Variants in AGBL4 observed in about 807,000 individuals in gnomAD.
AGBL4 encodes the protein AGBL carboxypeptidase 4.
AGBL4 carries 58 observed loss-of-function variants against 66.4 expected under a neutral mutation model. The observed-to-expected ratio is 0.87, with a 90% confidence interval of 0.71 to 1.09. The LOEUF is 1.09. Among genes scored for constraint, AGBL4 ranks in the 50% least tolerant of loss-of-function variants. The pLI is 0.00. For missense variants in AGBL4, 579 were observed against 631.0 expected, an observed-to-expected ratio of 0.92 and a Z score of 0.88; for synonymous variants, 234 against 222.9, an observed-to-expected ratio of 1.05 and a Z score of -0.44.
At chr1:49,346,505 G>C (rs1190261832) in intron 3 of AGBL4, among the ~76,000 whole-genome samples, 3 of 152,130 alleles carry the variant, frequency 2.0e-5, no homozygotes, top group Non-Finnish European at 4.4e-5. Context: ...CTTCACTGTT[G>C]TGGACTATAT....
intron 11 of AGBL4, among the ~76,000 whole-genome samples, chr1:48,573,608 T>G (rs138771551): frequency 1.1e-3 from 160 of 152,244 alleles, no homozygotes; most frequent in African/African-American, 3.7e-3. Context: ...GGACAGAGAT[T>G]TCTATTGGGG....
chr1:48,718,568 T>C (rs1226128052), intron 6 of AGBL4, among the ~76,000 whole-genome samples: 2 of 152,118 alleles, frequency 1.3e-5, no homozygotes, highest in African/African-American at 4.8e-5. Flanking sequence ...CCACTAGTTT[T>C]GGAAAAGAAT....
chr1:49,710,069 A>G (rs1647526470), intron 2 of AGBL4, among the ~76,000 whole-genome samples: 1 of 152,224 alleles, frequency 6.6e-6, no homozygotes, highest in African/African-American at 2.4e-5. Context: ...ATACCATTTG[A>G]CCCAGTAATC....
intron 6 of AGBL4, among the ~76,000 whole-genome samples, chr1:48,819,103 G>A (rs1451623161): frequency 6.6e-6 from 1 of 152,184 alleles, no homozygotes; most frequent in African/African-American, 2.4e-5. Context: ...CGTACAGACA[G>A]TTTTCTCCTA....
chr1:49,223,580 G>A (rs1204959915), intron 4 of AGBL4, among the ~76,000 whole-genome samples: 1 of 152,074 alleles, frequency 6.6e-6, no homozygotes, highest in Non-Finnish European at 1.5e-5. Flanking sequence ...GAAAATGTAG[G>A]CCTCTTTTTC....
intron 3 of AGBL4, among the ~76,000 whole-genome samples, chr1:49,677,896 C>A (rs1646612244): frequency 6.6e-6 from 1 of 152,112 alleles, no homozygotes; most frequent in African/African-American, 2.4e-5. Flanking sequence ...CTTAACTATG[C>A]TGGCACCCTG....
chr1:48,601,598 T>C (rs903275171), intron 9 of AGBL4, among the ~76,000 whole-genome samples: 5 of 152,232 alleles, frequency 3.3e-5, no homozygotes, highest in Non-Finnish European at 7.3e-5. Flanking sequence ...TGAAATCTAT[T>C]GACAATAACC....
intron 3 of AGBL4, among the ~76,000 whole-genome samples, chr1:49,365,100 A>G (rs369545553): frequency 1.3e-5 from 2 of 152,346 alleles, no homozygotes; most frequent in East Asian, 3.9e-4. Context: ...TGGTTGTTAT[A>G]TAGATCAAAT....
In AGBL4 at chr1:49,624,425, C is replaced by T. The variant is rs1183446258; in HGVS notation, c.282+72888G>A. On this transcript the variant is annotated intron_variant, in intron 3 of 13. Coordinates refer to ENST00000371839, the MANE Select transcript of AGBL4 (RefSeq NM_032785.4). ...AATTGCCTATTGAATGTCTTCTCTT[C>T]TTCTTTAGTAACACAGCACTGATTC... Among the ~76,000 whole-genome samples the T allele has an allele frequency of 3.9e-5, 6 of 152,172 alleles. No homozygotes were observed. The East Asian group carries it at 9.6e-4, about 24-fold the overall frequency.
chr1:48,626,733 C>T (rs1645509236), intron 9 of AGBL4, among the ~76,000 whole-genome samples: 1 of 152,214 alleles, frequency 6.6e-6, no homozygotes, highest in African/African-American at 2.4e-5. Context: ...CCATTTACTG[C>T]CACACAGTTT....
chr1:48,759,095 C>T (rs764317457), intron 6 of AGBL4: 1 of 1,611,944 alleles, frequency 6.2e-7, no homozygotes, highest in Non-Finnish European at 8.5e-7. Flanking sequence ...AGCAGCTCCT[C>T]ATACAGAGCC....
intron 3 of AGBL4, among the ~76,000 whole-genome samples, chr1:49,372,062 C>T (rs1644358024): frequency 6.6e-6 from 1 of 151,938 alleles, no homozygotes; most frequent in Admixed American, 6.6e-5. Flanking sequence ...ATTTCAGAAT[C>T]TAGATTTTTG....
chr1:49,682,175 A>C (rs2124564078), intron 3 of AGBL4, among the ~76,000 whole-genome samples: 1 of 152,304 alleles, frequency 6.6e-6, no homozygotes, highest in East Asian at 1.9e-4. Context: ...TGGGAGGCCG[A>C]GGAGGGAGGA....
At chr1:49,377,736 G>C (rs950017098) in intron 3 of AGBL4, among the ~76,000 whole-genome samples, 2 of 151,962 alleles carry the variant, frequency 1.3e-5, no homozygotes, top group Admixed American at 6.6e-5. Flanking sequence ...ATGCAAAGAG[G>C]GCCAGGCGCA....
intron 4 of AGBL4, among the ~76,000 whole-genome samples, chr1:49,205,239 T>A (rs1356478879): frequency 6.6e-6 from 1 of 152,132 alleles, no homozygotes; most frequent in Admixed American, 6.6e-5. Context: ...AATCCCATAT[T>A]TCCTCTTTCA....
At chr1:48,560,592 T>C (rs900432215) in intron 11 of AGBL4, among the ~76,000 whole-genome samples, 2 of 152,204 alleles carry the variant, frequency 1.3e-5, no homozygotes, top group Admixed American at 1.3e-4. Flanking sequence ...AAGCTGTGAC[T>C]TGGTACCCAG....
chr1:49,468,824 C>T (rs1028536685), intron 3 of AGBL4, among the ~76,000 whole-genome samples: 1 of 151,768 alleles, frequency 6.6e-6, no homozygotes, highest in African/African-American at 2.4e-5. Context: ...TGTATATAAG[C>T]ATTGTATGTG....
intron 4 of AGBL4, among the ~76,000 whole-genome samples, chr1:49,095,329 A>C (rs1645075866): frequency 6.6e-6 from 1 of 152,144 alleles, no homozygotes; most frequent in African/African-American, 2.4e-5. Flanking sequence ...AATTTGAAAA[A>C]ACTACTTTAA....
intron 3 of AGBL4, among the ~76,000 whole-genome samples, chr1:49,272,974 C>G (rs1314181271): frequency 6.6e-6 from 1 of 152,126 alleles, no homozygotes. Context: ...CGAGTTTATA[C>G]TGTCTCTACT....
Sources: gnomAD v4.1 joint callset for allele counts (sites outside exome capture counted in the v4.1 genomes callset) on GRCh38, gnomAD v4.1.1 for gene constraint, MANE v1.5 for transcripts, NCBI Gene and HGNC (gene_info 2026-07-23, HGNC 2026-07-21) for gene names.